The following HPSE2 variants were observed in gnomAD, a reference collection of about 807,000 sequenced individuals.
The protein encoded by HPSE2 is heparanase 2 (inactive).
Under a neutral mutation model 60.5 loss-of-function variants are expected in HPSE2, and 38 were observed. That is an observed-to-expected ratio of 0.63 (90% CI 0.48 to 0.82). The LOEUF is 0.82. Among genes scored for constraint, HPSE2 ranks in the 40% least tolerant of loss-of-function variants. The pLI is 0.00. For missense variants in HPSE2, 713 were observed against 740.4 expected, an observed-to-expected ratio of 0.96 and a Z score of 0.43; for synonymous variants, 295 against 293.2, an observed-to-expected ratio of 1.01 and a Z score of -0.06.
At chr10:99,072,710 G>A (rs1842832975) in intron 3 of HPSE2, among the ~76,000 whole-genome samples, 1 of 151,982 alleles carries the variant, frequency 6.6e-6, no homozygotes, top group African/African-American at 2.4e-5. Context: ...TGGATAACAG[G>A]GTCAAGAGAT....
chr10:99,139,788 C>T (rs10883279), intron 3 of HPSE2, among the ~76,000 whole-genome samples: 74,955 of 151,934 alleles, frequency 0.49, 20,955 homozygotes, highest in East Asian at 0.65. Context: ...GACAAGGAAC[C>T]ATCTACTTCA....
intron 4 of HPSE2, among the ~76,000 whole-genome samples, chr10:98,725,094 C>T (rs1322455771): frequency 6.6e-6 from 1 of 152,158 alleles, no homozygotes; most frequent in East Asian, 1.9e-4. Context: ...ATACCATCCC[C>T]ATCAAGCTAC....
At chr10:98,667,102 A>G (rs1589604928) in intron 6 of HPSE2, among the ~76,000 whole-genome samples, 1 of 152,194 alleles carries the variant, frequency 6.6e-6, no homozygotes, top group South Asian at 2.1e-4. Context: ...CCAATCCCAC[A>G]GAAATAGAAT....
At chr10:99,011,230 T>C (rs1435474337) in intron 3 of HPSE2, among the ~76,000 whole-genome samples, 1 of 152,122 alleles carries the variant, frequency 6.6e-6, no homozygotes, top group Non-Finnish European at 1.5e-5. Context: ...ACATTATAAA[T>C]ATGAAACACA....
At chr10:98,586,955 T>C (rs1944957264) in intron 9 of HPSE2, among the ~76,000 whole-genome samples, 1 of 152,236 alleles carries the variant, frequency 6.6e-6, no homozygotes, top group Admixed American at 6.5e-5. Context: ...ACAGGTAACT[T>C]GACCTTTGTA....
intron 9 of HPSE2, among the ~76,000 whole-genome samples, chr10:98,589,140 T>C (rs1020504710): frequency 6.6e-6 from 1 of 152,158 alleles, no homozygotes; most frequent in Non-Finnish European, 1.5e-5. Flanking sequence ...CAGTCAAGTA[T>C]AGGCCAAGGT....
intron 3 of HPSE2, among the ~76,000 whole-genome samples, chr10:99,101,026 G>A (rs953846939): frequency 7.9e-4 from 121 of 152,276 alleles, no homozygotes; most frequent in Non-Finnish European, 1.4e-3. Flanking sequence ...ACCAGCCACT[G>A]CAAAAACATG....
At chr10:99,046,029 A>C (rs1957847391) in intron 3 of HPSE2, among the ~76,000 whole-genome samples, 1 of 152,146 alleles carries the variant, frequency 6.6e-6, no homozygotes, top group Non-Finnish European at 1.5e-5. Context: ...GCAGGAACAC[A>C]GTGAAAAAAT....
chr10:98,924,973 C>T (rs573364607), intron 3 of HPSE2, among the ~76,000 whole-genome samples: 15 of 152,144 alleles, frequency 9.9e-5, no homozygotes, highest in Non-Finnish European at 1.6e-4. Context: ...GAGCTCAATA[C>T]AGCTTTATTC....
At chr10:98,554,476 A>C (rs1943948371) in intron 9 of HPSE2, among the ~76,000 whole-genome samples, 1 of 152,078 alleles carries the variant, frequency 6.6e-6, no homozygotes, top group African/African-American at 2.4e-5. Flanking sequence ...TTGTGTCTTG[A>C]ATGATTATTT....
chr10:98,616,328 C>T (rs1307769560), intron 8 of HPSE2, among the ~76,000 whole-genome samples: 1 of 152,106 alleles, frequency 6.6e-6, no homozygotes, highest in Non-Finnish European at 1.5e-5. Flanking sequence ...ACTTGTACCG[C>T]AAACACCCAT....
At chr10:98,520,136 A>C (rs1942738929) in intron 9 of HPSE2, among the ~76,000 whole-genome samples, 1 of 152,226 alleles carries the variant, frequency 6.6e-6, no homozygotes, top group African/African-American at 2.4e-5. Flanking sequence ...CTGGTGGGAA[A>C]GCATGACAAA....
At position 98,901,780 on chromosome 10, in the gene HPSE2, G is replaced by T. The variant is rs534783206; in HGVS notation, c.611-157724C>A. ...ATCACTTTTGAATGATTTTAAGCAA[G>T]CTACTTAACCTTTGTAGGCCTATGT... On this transcript the variant is annotated intron_variant, in intron 3 of 11. Transcript: ENST00000370552. 7.9e-5 allele frequency among the ~76,000 whole-genome samples: 12 copies of T among 152,252 alleles called. No homozygotes were observed. In the South Asian group the frequency reaches 1.2e-3, roughly 16 times the overall value.
At chr10:98,758,721 G>A (rs1589776401) in intron 3 of HPSE2, among the ~76,000 whole-genome samples, 1 of 152,186 alleles carries the variant, frequency 6.6e-6, no homozygotes, top group Middle Eastern at 3.4e-3. Context: ...AAACGAATGC[G>A]TATACACTGT....
chr10:98,953,238 G>C (rs933821746), intron 3 of HPSE2, among the ~76,000 whole-genome samples: 2 of 152,216 alleles, frequency 1.3e-5, no homozygotes, highest in Non-Finnish European at 2.9e-5. Context: ...TTCCGTGAGA[G>C]CTGTAAGTCA....
At chr10:98,556,852 G>C (rs372092283) in intron 9 of HPSE2, among the ~76,000 whole-genome samples, 18 of 152,274 alleles carry the variant, frequency 1.2e-4, no homozygotes, top group African/African-American at 3.4e-4. Flanking sequence ...AATATCAAAA[G>C]TAATCTTGAA....
chr10:98,485,054 A>C (rs904771932), intron 10 of HPSE2, among the ~76,000 whole-genome samples: 4 of 152,094 alleles, frequency 2.6e-5, no homozygotes, highest in Admixed American at 2.6e-4. Flanking sequence ...TGGGTCACTC[A>C]CCTCTGCTTC....
intron 3 of HPSE2, among the ~76,000 whole-genome samples, chr10:99,119,197 A>G (rs1844848154): frequency 6.6e-6 from 1 of 151,990 alleles, no homozygotes; most frequent in Non-Finnish European, 1.5e-5. Flanking sequence ...ATCTAGAAAA[A>G]CCCATAGTCT....
In HPSE2 at chr10:98,585,230, C is replaced by T. The variant is rs1944906340; in HGVS notation, c.1320+29674G>A. ...TAATCAGTAAGAAAGGTACCAAGTT[C>T]TACCAAAAGCGCTTCTTTATTTTAA... On this transcript the variant is annotated intron_variant, in intron 9 of 11. Transcript: ENST00000370552. Among the ~76,000 whole-genome samples, 2 of 151,302 alleles carry T rather than the reference C, an allele frequency of 1.3e-5. 1 individual carries two copies. Among genetic ancestry groups the T allele is most frequent in the Admixed American group, 1.3e-4 (2 of 15,170 alleles).
Sources: gnomAD v4.1 joint callset for allele counts (sites outside exome capture counted in the v4.1 genomes callset) on GRCh38, gnomAD v4.1.1 for gene constraint, MANE v1.5 for transcripts, NCBI Gene and HGNC (gene_info 2026-07-23, HGNC 2026-07-21) for gene names.